ASH2L: variants seen among roughly 807,000 people sequenced by gnomAD.
ASH2L encodes the protein set1/Ash2 histone methyltransferase complex subunit ASH2.
Under a neutral mutation model 81.1 loss-of-function variants are expected in ASH2L, and 30 were observed. The ratio of observed to expected loss-of-function variants is 0.37; its 90% CI spans 0.28 to 0.50. The LOEUF is 0.50. Ranked by LOEUF, ASH2L falls within the 20% of genes least tolerant of loss-of-function variation. The probability of loss-of-function intolerance (pLI) is 0.95; values close to 1 mark genes in which losing one functional copy is unlikely to be tolerated. For synonymous variants in ASH2L, 273 were observed against 279.9 expected (o/e 0.98, Z 0.24); for missense variants, 559 against 792.1 (o/e 0.71, Z 3.53).
intron 10 of ASH2L, among the ~76,000 whole-genome samples, chr8:38,124,890 G>A (rs1585591953): frequency 6.6e-6 from 1 of 152,178 alleles, no homozygotes; most frequent in South Asian, 2.1e-4. Context: ...TGGCACCAGC[G>A]CTTGCTTCTG....
Position 38,106,359 on chromosome 8 carries a change from C to A in ASH2L, c.189-19C>A, listed in dbSNP as rs1173113814. 2 of 1,611,300 alleles carry A rather than the reference C, an allele frequency of 1.2e-6. No individual in the cohort carries two copies. The highest frequency in any genetic ancestry group is 1.7e-6 in the Non-Finnish European group (2 of 1,177,866). ...TTTGTCTTGAGAATTCTTACTTGAG[C>A]GCTTTCATTATCTTATAGGGAGGCA... On this transcript the variant is annotated intron_variant, in intron 1 of 15. Transcript: ENST00000343823.
At chr8:38,113,325 G>A (rs1810761688) in intron 5 of ASH2L, among the ~76,000 whole-genome samples, 1 of 152,002 alleles carries the variant, frequency 6.6e-6, no homozygotes, top group South Asian at 2.1e-4. Context: ...AACCATTGTA[G>A]CCCTATCAGA....
chr8:38,120,566 A>G (rs965968830), intron 9 of ASH2L, among the ~76,000 whole-genome samples: 5 of 146,668 alleles, frequency 3.4e-5, no homozygotes, highest in Non-Finnish European at 7.5e-5. Flanking sequence ...ACTTTATAAT[A>G]ATCAGTATAC....
chr8:38,133,854 T>A (rs1802154211), intron 13 of ASH2L, among the ~76,000 whole-genome samples: 2 of 152,254 alleles, frequency 1.3e-5, no homozygotes, highest in South Asian at 4.1e-4. Context: ...CGGGCCATGA[T>A]GACGATGGCG....
intron 9 of ASH2L, 61 bp from the exon 10 acceptor site, chr8:38,120,871 T>A: frequency 1.4e-6 from 2 of 1,395,142 alleles, no homozygotes; most frequent in African/African-American, 2.8e-5. Flanking sequence ...TCTTACACAG[T>A]TGAATGCATT....
Position 38,110,367 on chromosome 8 carries a change from G to A in ASH2L, c.402-12G>A. 6.2e-7 allele frequency: 1 copy of A among 1,606,852 alleles called. No homozygotes were observed. On this transcript the variant is annotated splice_polypyrimidine_tract_variant and intron_variant, in intron 3 of 15. Transcript: ENST00000343823. ...CAAGTTCACTAATTCGTATAATTTG[G>A]CTCTTCGGCAGATCCTGTCTACCTT...
chr8:38,121,122 C>T lies in ASH2L; in HGVS notation c.1138C>T (p.Arg380Trp), dbSNP rs745887695. The change falls in exon 10 of 16, where the codon CGG becomes TGG. Residue 380 changes from arginine (R) to tryptophan (W), a missense_variant. Around this residue, in one of 4 missense-constraint regions of ASH2L, gnomAD observed 318 missense variants for 527.0 expected, o/e 0.60. Coordinates refer to ENST00000343823, the MANE Select transcript of ASH2L (RefSeq NM_004674.5). ...CCTCTACAGAGCCTGCTTGTATGAA[C>T]GGGTTTTGTTAGCCCTACATGATCG... ...GDLYRACLYE[R>W]VLLALHDRAP... is the part of the protein sequence containing the mutation. 24 of 1,613,018 alleles carry T rather than the reference C, an allele frequency of 1.5e-5. No individual in the cohort carries two copies. Among genetic ancestry groups the T allele is most frequent in the South Asian group, 1.1e-5 (1 of 91,032 alleles).
chr8:38,107,045 G>A lies in ASH2L; in HGVS notation c.280G>A (p.Val94Met), dbSNP rs971136710. The change falls in exon 3 of 16, where the codon GTG becomes ATG. Residue 94 changes from valine (V) to methionine (M), a missense_variant. Val to Met is a conservative substitution (Grantham distance 21). Transcript: ENST00000343823. ...GGAAGGTGCTGGGGATACATCAGAG[G>A]TGATGGATACTCAGGCGGGCTCCGT... is the stretch of plus-strand genomic sequence containing the variant. The part of the protein sequence containing the change: ...TLEGAGDTSE[V>M]MDTQAGSVDE... The A allele has an allele frequency of 1.2e-6, 2 of 1,613,974 alleles. No homozygotes were observed. Among genetic ancestry groups the A allele is most frequent in the Non-Finnish European group, 1.7e-6 (2 of 1,179,980 alleles).
rs536325600 is a variant in ASH2L, at chr8:38,136,668, A to G, written c.1719+902A>G. ...CACATGCCTGTAATTCCAGCTACTC[A>G]GGAGGCTGAGGCAGGAGAATCACTT... On this transcript the variant is annotated intron_variant, in intron 14 of 15. Transcript: ENST00000343823. Among the ~76,000 whole-genome samples the G allele has an allele frequency of 2.2e-4, 33 of 151,664 alleles. No homozygotes were observed. In the South Asian group the frequency reaches 6.9e-3, roughly 32 times the overall value.
intron 5 of ASH2L, among the ~76,000 whole-genome samples, chr8:38,112,990 G>T (rs1810748877): frequency 6.7e-6 from 1 of 149,866 alleles, no homozygotes; most frequent in African/African-American, 2.5e-5. Context: ...TAATTGAGAT[G>T]GAGTCTGGCT....
rs188695216 is a variant in ASH2L at position 38,118,277 on chromosome 8, C to A, written c.854-993C>A. 2.1e-3 allele frequency among the ~76,000 whole-genome samples: 315 copies of A among 152,222 alleles called. 1 individual carries two copies. Among genetic ancestry groups the A allele is most frequent in the Non-Finnish European group, 7.8e-4 (53 of 68,004 alleles). On this transcript the variant is annotated intron_variant, in intron 8 of 15. Coordinates refer to ENST00000343823, the MANE Select transcript of ASH2L (RefSeq NM_004674.5). ...TATTGCAGCAGAACTGCTAGTAATT[C>A]CCAAGCTTGCCCCAAATTAAGATTT...
chr8:38,114,807 G>A, intron 6 of ASH2L, 98 bp from the exon 7 acceptor site: 1 of 751,268 alleles, frequency 1.3e-6, no homozygotes, highest in East Asian at 2.7e-5. Context: ...TTTGGACACT[G>A]CACCTAGGAA....
chr8:38,135,559 G>T, intron 13 of ASH2L, 109 bp from the exon 14 acceptor site: 1 of 704,708 alleles, frequency 1.4e-6, no homozygotes, highest in Non-Finnish European at 2.4e-6. Flanking sequence ...GTTCTTGGGT[G>T]AGTGACTAGC....
intron 14 of ASH2L, chr8:38,137,918 G>A (rs1008161898): frequency 6.6e-6 from 1 of 152,008 alleles, no homozygotes; most frequent in Non-Finnish European, 1.5e-5. Context: ...GAAAAAAACA[G>A]AATCACAGAA....
intron 14 of ASH2L, chr8:38,138,509 A>G: frequency 3.3e-6 from 1 of 304,890 alleles, no homozygotes; most frequent in Non-Finnish European, 6.0e-6. Context: ...CAACAAAAGG[A>G]AAGGCAGTTT....
chr8:38,107,126 A>G lies in ASH2L; in HGVS notation c.361A>G (p.Thr121Ala), dbSNP rs1810469343. 6.2e-7 allele frequency: 1 copy of G among 1,614,202 alleles called. No individual in the cohort carries two copies. Among genetic ancestry groups the G allele is most frequent in the Non-Finnish European group, 8.5e-7 (1 of 1,180,042 alleles). ...GEVELQCGIC[T>A]KWFTADTFGI... ...GGTAGAGCTGCAATGTGGGATTTGT[A>G]CAAAATGGTTCACGGCTGACACATT... The change falls in exon 3 of 16, where the codon ACA becomes GCA. Residue 121 changes from threonine to alanine, a missense_variant. Coordinates refer to ENST00000343823, the MANE Select transcript of ASH2L (RefSeq NM_004674.5).
Position 38,139,143 on chromosome 8 carries a change from C to G in ASH2L, c.*72C>G. On this transcript the variant is annotated 3_prime_UTR_variant, in exon 16 of 16. Coordinates refer to ENST00000343823, the MANE Select transcript of ASH2L (RefSeq NM_004674.5). ...GGTTTTGTTTTTGTTTTTGAACTGT[C>G]TCAAATGTTCTCCCAAAGATGCTAA... The G allele has an allele frequency of 8.6e-7, 1 of 1,167,700 alleles. No individual in the cohort carries two copies. The highest frequency in any genetic ancestry group is 1.2e-6 in the Non-Finnish European group (1 of 838,376). The allele number at this position is 1,167,700 out of a possible 1,614,324, so 72.3% of individuals were successfully genotyped here.
At chr8:38,123,453 T>C (rs1419372380) in intron 10 of ASH2L, 1 of 152,214 alleles carries the variant, frequency 6.6e-6, no homozygotes, top group African/African-American at 2.4e-5. Flanking sequence ...TATAGCTCTT[T>C]TTGTCTTTAG....
intron 12 of ASH2L, among the ~76,000 whole-genome samples, chr8:38,132,970 C>G (rs1250122502): frequency 6.6e-6 from 1 of 151,796 alleles, no homozygotes; most frequent in Non-Finnish European, 1.5e-5. Flanking sequence ...TGGTGTAATC[C>G]CAGCTACTCG....
Sources: allele counts gnomAD v4.1 joint callset (sites outside exome capture counted in the v4.1 genomes callset), GRCh38; gene constraint gnomAD v4.1.1; regional missense constraint gnomAD v4.1.1; transcripts MANE v1.5; gene names NCBI Gene and HGNC (gene_info 2026-07-23, HGNC 2026-07-21).